The following ZNF618 variants were observed in gnomAD, a reference collection of about 807,000 sequenced individuals.
The protein encoded by ZNF618 is zinc finger protein 618.
In ZNF618, 34 loss-of-function variants were observed where a neutral mutation model predicts 103.0. The ratio of observed to expected loss-of-function variants is 0.33; its 90% confidence interval spans 0.25 to 0.44. The LOEUF is 0.44. Ranked by LOEUF, ZNF618 falls within the 20% of genes least tolerant of loss-of-function variation. The pLI is 1.00. For synonymous variants in ZNF618, 551 were observed against 542.2 expected (o/e 1.02, Z -0.23); for missense variants, 1,059 against 1,295.4 (o/e 0.82, Z 2.80).
chr9:113,899,804 G>A lies in ZNF618; in HGVS notation c.33+23391G>A, dbSNP rs539437497. On this transcript the variant is annotated intron_variant, in intron 1 of 14. Transcript: ENST00000374126. ...GCATCTGTGTTGTAGCACATGGCAGGTTCCCTCTTTGTTAAGGGTTGAATA... is the reference window on the plus strand; with the variant it reads ...GCATCTGTGTTGTAGCACATGGCAGATTCCCTCTTTGTTAAGGGTTGAATA... Among the ~76,000 whole-genome samples, 16 of 152,256 alleles carry A rather than the reference G, an allele frequency of 1.1e-4. No individual in the cohort carries two copies. In the South Asian group the frequency reaches 3.3e-3, roughly 31 times the overall value.
chr9:113,968,493 G>T (rs1160328174), intron 1 of ZNF618, among the ~76,000 whole-genome samples: 1 of 152,192 alleles, frequency 6.6e-6, no homozygotes, highest in African/African-American at 2.4e-5. Context: ...CTGAGCACTG[G>T]TCTAGGAGTC....
At chr9:113,998,606 T>TGGCAGCACTTC (rs1840862983) in intron 4 of ZNF618, among the ~76,000 whole-genome samples, 2 of 152,228 alleles carry the variant, frequency 1.3e-5, no homozygotes, top group Non-Finnish European at 2.9e-5. Flanking sequence ...CAGAGCATTT[T>TGGCAGCACTTC]GGCAGCACTT....
At chr9:113,923,975 T>G (rs557899491) in intron 1 of ZNF618, among the ~76,000 whole-genome samples, 1 of 152,140 alleles carries the variant, frequency 6.6e-6, no homozygotes, top group African/African-American at 2.4e-5. Context: ...TTGGAGCACT[T>G]TGGATTTAAG....
chr9:113,982,013 G>A (rs907818018), intron 2 of ZNF618, among the ~76,000 whole-genome samples: 1 of 152,098 alleles, frequency 6.6e-6, no homozygotes, highest in East Asian at 1.9e-4. Flanking sequence ...GAGAGAGAGA[G>A]AGAGACATTT....
rs759729074 is a variant in ZNF618 at position 114,002,588 on chromosome 9, A to G, written c.512-36A>G. The G allele has an allele frequency of 5.6e-6, 9 of 1,598,884 alleles. No homozygotes were observed. The Admixed American group carries it at 1.5e-4, about 27-fold the overall frequency. On this transcript the variant is annotated intron_variant, in intron 5 of 14. Transcript: ENST00000374126. ...GCACTGGCCCTGTCATTGGCCCGGTAGCCCCACCCCCATCCCTCTCTCTCT... is the reference window on the plus strand; with the variant it reads ...GCACTGGCCCTGTCATTGGCCCGGTGGCCCCACCCCCATCCCTCTCTCTCT...
chr9:113,956,202 T>C (rs376986129), intron 1 of ZNF618, among the ~76,000 whole-genome samples: 1 of 91,374 alleles, frequency 1.1e-5, no homozygotes, highest in African/African-American at 4.5e-5. Flanking sequence ...AGAGTTAAAC[T>C]CTGTCTCAAA....
At position 114,008,326 on chromosome 9, in the gene ZNF618, C is replaced by T. The variant is rs369919653; in HGVS notation, c.641-18C>T. On this transcript the variant is annotated intron_variant, in intron 7 of 14. Transcript: ENST00000374126. ...TGTTTCTTTCCTTCTGCGGCTGCCG[C>T]CTCCTGCCCGGGCGCAGTGTTTAGT... 7.4e-6 allele frequency: 12 copies of T among 1,613,192 alleles called. No homozygotes were observed. The highest frequency in any genetic ancestry group is 1.0e-5 in the Non-Finnish European group (12 of 1,179,852).
intron 1 of ZNF618, among the ~76,000 whole-genome samples, chr9:113,931,284 C>T (rs540859248): frequency 1.3e-5 from 2 of 152,190 alleles, no homozygotes; most frequent in Non-Finnish European, 2.9e-5. Context: ...CCTGAGCACA[C>T]TCGTGTCGGG....
intron 1 of ZNF618, among the ~76,000 whole-genome samples, chr9:113,908,279 G>T (rs977853326): frequency 1.3e-5 from 2 of 152,146 alleles, no homozygotes; most frequent in Admixed American, 6.5e-5. Context: ...TTTAGCTAAA[G>T]AACTCTTTCA....
intron 1 of ZNF618, among the ~76,000 whole-genome samples, chr9:113,944,362 C>G (rs1834815744): frequency 1.3e-5 from 2 of 152,184 alleles, no homozygotes; most frequent in Non-Finnish European, 2.9e-5. Flanking sequence ...ACTGCAAACT[C>G]CGCCTCCCAG....
chr9:114,002,399 G>A (rs1841314309), intron 5 of ZNF618, among the ~76,000 whole-genome samples: 1 of 152,180 alleles, frequency 6.6e-6, no homozygotes, highest in Non-Finnish European at 1.5e-5. Context: ...ACTTGCTGAG[G>A]TCAGTGTGTG....
intron 13 of ZNF618, among the ~76,000 whole-genome samples, chr9:114,047,286 T>C (rs1845731582): frequency 6.6e-6 from 1 of 152,254 alleles, no homozygotes; most frequent in South Asian, 2.1e-4. Context: ...TGCTGCTGTT[T>C]TCTCTGTGAT....
intron 3 of ZNF618, among the ~76,000 whole-genome samples, chr9:113,997,364 C>A (rs1458210895): frequency 2.6e-5 from 4 of 152,154 alleles, no homozygotes; most frequent in Admixed American, 2.6e-4. Context: ...CTGCCTTGGC[C>A]TCCCAAAATG....
At chr9:114,004,554 T>C (rs1841558384) in intron 6 of ZNF618, among the ~76,000 whole-genome samples, 1 of 152,264 alleles carries the variant, frequency 6.6e-6, no homozygotes, top group African/African-American at 2.4e-5. Flanking sequence ...GCTTGCTGGT[T>C]GCTGACGGCT....
chr9:113,981,565 T>C (rs1838978328), intron 2 of ZNF618, among the ~76,000 whole-genome samples: 1 of 152,196 alleles, frequency 6.6e-6, no homozygotes, highest in Non-Finnish European at 1.5e-5. Flanking sequence ...ATCATCATTA[T>C]TGGCAGAATG....
intron 3 of ZNF618, among the ~76,000 whole-genome samples, chr9:113,994,941 A>AC (rs1840422581): frequency 6.6e-6 from 1 of 152,204 alleles, no homozygotes; most frequent in Admixed American, 6.5e-5. Flanking sequence ...AAAAAAAAAA[A>AC]AGGTGGCATT....
At position 114,002,745 on chromosome 9, in the gene ZNF618, A is replaced by G. The variant is rs1029527342; in HGVS notation, c.550+83A>G. 1.9e-5 allele frequency: 29 copies of G among 1,502,526 alleles called. No individual in the cohort carries two copies. In the African/African-American group the frequency reaches 3.7e-4, roughly 19 times the overall value. The allele number at this position is 1,502,526 out of a possible 1,614,324, so 93.1% of individuals were successfully genotyped here. A position where few individuals can be genotyped will look rare whatever the true frequency, so the allele number is the denominator to read the frequency against. The stretch of plus-strand genomic sequence containing the variant: ...AGAGGAGCTGCTTGTCCCCTCCCCC[A>G]GAACTGCTCCAGGTGGCCTCTGAGA... On this transcript the variant is annotated intron_variant, in intron 6 of 14. Transcript: ENST00000374126.
At chr9:113,876,628 T>C (rs187545026) in intron 1 of ZNF618, among the ~76,000 whole-genome samples, 1,654 of 151,836 alleles carry the variant, frequency 0.011, 31 homozygotes, top group African/African-American at 0.038. Flanking sequence ...AGGGGGTCTT[T>C]TGGGGCCCCC....
At chr9:113,918,424 A>G (rs1473951962) in intron 1 of ZNF618, among the ~76,000 whole-genome samples, 2 of 152,156 alleles carry the variant, frequency 1.3e-5, no homozygotes, top group Non-Finnish European at 2.9e-5. Flanking sequence ...TTTTCTATCC[A>G]CTAATTTTAG....
Sources: gnomAD v4.1 joint callset for allele counts (sites outside exome capture counted in the v4.1 genomes callset) on GRCh38, gnomAD v4.1.1 for gene constraint, MANE v1.5 for transcripts, NCBI Gene and HGNC (gene_info 2026-07-23, HGNC 2026-07-21) for gene names.